The following PCDHA4 variants were observed in gnomAD, a reference collection of about 807,000 sequenced individuals.
PCDHA4 encodes protocadherin alpha 4.
Under a neutral mutation model 61.4 loss-of-function variants are expected in PCDHA4, and 49 were observed. The observed-to-expected ratio is 0.80, with a 90% confidence interval of 0.63 to 1.01. The LOEUF is 1.01. PCDHA4 is among the 50% of genes least tolerant of loss of function. The pLI is 0.00. For missense variants in PCDHA4, 1,254 were observed against 1,235.8 expected, an observed-to-expected ratio of 1.01 and a Z score of -0.22; for synonymous variants, 590 against 550.3, an observed-to-expected ratio of 1.07 and a Z score of -1.01.
intron 1 of PCDHA4, among the ~76,000 whole-genome samples, chr5:140,845,454 C>T: frequency 6.7e-6 from 1 of 149,512 alleles, no homozygotes; most frequent in East Asian, 1.9e-4. Context: ...TTCTTCAACT[C>T]TCTGATATTT....
intron 1 of PCDHA4, among the ~76,000 whole-genome samples, chr5:140,906,351 C>A (rs966982758): frequency 3.9e-5 from 6 of 152,128 alleles, no homozygotes; most frequent in Non-Finnish European, 5.9e-5. Context: ...CAAGAATGCA[C>A]CAATTCCCAA....
At chr5:140,871,033 C>G (rs201299652) in intron 1 of PCDHA4, 336 of 1,613,234 alleles carry the variant, frequency 2.1e-4, no homozygotes, top group Non-Finnish European at 2.7e-4. Flanking sequence ...CTCGCCGCGC[C>G]ACCGACTTCT....
At chr5:140,952,146 C>T (rs1204696324) in intron 1 of PCDHA4, among the ~76,000 whole-genome samples, 1 of 152,062 alleles carries the variant, frequency 6.6e-6, no homozygotes, top group African/African-American at 2.4e-5. Context: ...AGCTCCACTC[C>T]TGTGGCTTTG....
chr5:140,875,921 C>G, intron 1 of PCDHA4: 1 of 1,614,228 alleles, frequency 6.2e-7, no homozygotes. Flanking sequence ...CCTCTGGACT[C>G]TCATTTTCCT....
At chr5:140,975,206 T>G (rs2096657939) in intron 1 of PCDHA4, among the ~76,000 whole-genome samples, 1 of 152,232 alleles carries the variant, frequency 6.6e-6, no homozygotes, top group African/African-American at 2.4e-5. Context: ...TCTTCATGGC[T>G]GGCACTGGAG....
chr5:140,936,016 C>G (rs1170221921), intron 1 of PCDHA4, among the ~76,000 whole-genome samples: 1 of 151,732 alleles, frequency 6.6e-6, no homozygotes, highest in Non-Finnish European at 1.5e-5. Context: ...CCTCAGCCTC[C>G]CGAGTAGCGG....
At chr5:140,896,381 C>A (rs1235283612) in intron 1 of PCDHA4, among the ~76,000 whole-genome samples, 1 of 152,160 alleles carries the variant, frequency 6.6e-6, no homozygotes, top group Non-Finnish European at 1.5e-5. Context: ...TTCTCTGCAA[C>A]CTCACCAGCA....
At chr5:140,884,446 G>C in intron 1 of PCDHA4, 1 of 1,613,770 alleles carries the variant, frequency 6.2e-7, no homozygotes, top group Non-Finnish European at 8.5e-7. Context: ...GCTCGGCACC[G>C]CCCACCGAGG....
chr5:140,858,574 T>C (rs1415497561), intron 1 of PCDHA4: 12 of 1,357,674 alleles, frequency 8.8e-6, no homozygotes, highest in Non-Finnish European at 1.0e-5. Context: ...GTGATACCTT[T>C]GTAATATAAT....
At chr5:140,916,273 G>C (rs962847536) in intron 1 of PCDHA4, among the ~76,000 whole-genome samples, 7 of 152,176 alleles carry the variant, frequency 4.6e-5, no homozygotes, top group African/African-American at 1.7e-4. Flanking sequence ...CATGCTTGTT[G>C]CTCTACTCCA....
At chr5:140,809,703 A>G (rs775895532) in intron 1 of PCDHA4, 131 bp downstream of exon 1, 2 of 1,131,154 alleles carry the variant, frequency 1.8e-6, no homozygotes, top group African/African-American at 1.6e-5. Context: ...CATTTTAACT[A>G]AAGTCTTTTG....
At chr5:140,988,545 T>C (rs1164667441) in intron 3 of PCDHA4, among the ~76,000 whole-genome samples, 1 of 152,150 alleles carries the variant, frequency 6.6e-6, no homozygotes, top group African/African-American at 2.4e-5. Context: ...ATTCATGACT[T>C]TCTTCATCTT....
At chr5:140,854,577 T>A (rs1402971625) in intron 1 of PCDHA4, 1 of 149,930 alleles carries the variant, frequency 6.7e-6, no homozygotes, top group African/African-American at 2.4e-5. Context: ...TCATTCAGAT[T>A]TTAATAAAAA....
chr5:140,927,068 C>T, intron 1 of PCDHA4: 1 of 1,611,218 alleles, frequency 6.2e-7, no homozygotes, highest in Non-Finnish European at 8.5e-7. Context: ...CGCTTCCTTT[C>T]CAGCCACCGC....
intron 1 of PCDHA4, chr5:140,815,662 T>G (rs1765776092): frequency 1.3e-5 from 2 of 152,180 alleles, no homozygotes; most frequent in Admixed American, 1.3e-4. Context: ...ATATTTATCT[T>G]TACTAGTGAG....
rs781853303 is a variant in PCDHA4, at chr5:140,808,398, A to C, written c.1211A>C (p.Tyr404Ser). ...AAGCTGGTGTCCACCTTCAAGAATT[A>C]CTACTCGTTGGTGCTGGACAGTGCC... ...PFKLVSTFKN[Y>S]YSLVLDSALD... Residue 404 changes from tyrosine (Y) to serine (S), a missense_variant, in exon 1 of 4, where the codon TAC becomes TCC. Coordinates refer to ENST00000530339, the MANE Select transcript of PCDHA4 (RefSeq NM_018907.4). The C allele has an allele frequency of 6.2e-7, 1 of 1,614,148 alleles. No homozygotes were observed. Among genetic ancestry groups the C allele is most frequent in the South Asian group, 1.1e-5 (1 of 91,080 alleles).
intron 3 of PCDHA4, among the ~76,000 whole-genome samples, chr5:140,989,272 T>C (rs1554250681): frequency 6.6e-6 from 1 of 152,204 alleles, no homozygotes. Flanking sequence ...AAGTTTCTGC[T>C]GGGGACATCT....
At chr5:140,962,543 G>T (rs962454688) in intron 1 of PCDHA4, among the ~76,000 whole-genome samples, 1 of 152,176 alleles carries the variant, frequency 6.6e-6, no homozygotes, top group Non-Finnish European at 1.5e-5. Flanking sequence ...AACTAAAAAT[G>T]TAGAGGATCT....
At position 140,808,421 on chromosome 5, in the gene PCDHA4, G is replaced by C; in HGVS notation, c.1234G>C (p.Ala412Pro). The C allele has an allele frequency of 6.2e-7, 1 of 1,614,156 alleles. No homozygotes were observed. Among genetic ancestry groups the C allele is most frequent in the Non-Finnish European group, 8.5e-7 (1 of 1,180,050 alleles). The change falls in exon 1 of 4, where the codon GCC (alanine) becomes CCC (proline). Residue 412 changes from alanine to proline, a missense_variant. Transcript: ENST00000530339. ...TTACTACTCGTTGGTGCTGGACAGT[G>C]CCCTGGACCGCGAGAGCGTGTCAGC... is the stretch of plus-strand genomic sequence containing the variant. ...KNYYSLVLDSALDRESVSAYE... is the reference protein window; with the variant it reads ...KNYYSLVLDSPLDRESVSAYE...
Sources: gnomAD v4.1 joint callset for allele counts (sites outside exome capture counted in the v4.1 genomes callset) on GRCh38, gnomAD v4.1.1 for gene constraint, MANE v1.5 for transcripts, NCBI Gene and HGNC (gene_info 2026-07-23, HGNC 2026-07-21) for gene names.